NXPE4: variants seen among roughly 807,000 people sequenced by gnomAD.
NXPE4 encodes the protein NXPE family member 4.
NXPE4 carries 42 observed loss-of-function variants against 33.3 expected under a neutral mutation model. That is an observed-to-expected ratio of 1.26 (90% CI 0.98 to 1.63). The LOEUF (loss-of-function observed/expected upper bound fraction) is 1.63, where lower values mean the gene tolerates loss of function less well. Among genes scored for constraint, NXPE4 ranks in the 40% most tolerant of loss-of-function variants. The pLI is 0.00. For missense variants in NXPE4, 709 were observed against 647.6 expected (o/e 1.09, Z -1.03); for synonymous variants, 253 against 234.9 (o/e 1.08, Z -0.71).
chr11:114,641,693 G>A, the NXPE4 span, among the ~76,000 whole-genome samples: 3 of 152,052 alleles, frequency 2.0e-5, no homozygotes, highest in Non-Finnish European at 4.4e-5. Flanking sequence ...AGAAACAATA[G>A]AGATGATCAA....
At chr11:114,616,062 C>G in the NXPE4 span, among the ~76,000 whole-genome samples, 1 of 151,582 alleles carries the variant, frequency 6.6e-6, no homozygotes, top group Non-Finnish European at 1.5e-5. Flanking sequence ...TAAGTATTGC[C>G]TCATGGGTAA....
chr11:114,610,340 C>G, the NXPE4 span, among the ~76,000 whole-genome samples: 5 of 151,848 alleles, frequency 3.3e-5, no homozygotes, highest in Admixed American at 3.3e-4. Context: ...TAAGTATGGC[C>G]TCATGAGTAA....
chr11:114,603,045 A>T, the NXPE4 span, among the ~76,000 whole-genome samples: 1 of 151,586 alleles, frequency 6.6e-6, no homozygotes. Context: ...AACCGTATAT[A>T]ATAATTATTG....
the NXPE4 span, among the ~76,000 whole-genome samples, chr11:114,610,750 T>TAA: frequency 6.6e-6 from 1 of 151,960 alleles, no homozygotes; most frequent in East Asian, 1.9e-4. Context: ...CTTTGGATAA[T>TAA]AAGTGTTGCC....
chr11:114,677,421 T>C, the NXPE4 span, among the ~76,000 whole-genome samples: 1 of 152,054 alleles, frequency 6.6e-6, no homozygotes, highest in Non-Finnish European at 1.5e-5. Context: ...GAACTGTACC[T>C]CAATAAAGTT....
At chr11:114,612,047 G>T in the NXPE4 span, among the ~76,000 whole-genome samples, 1 of 151,412 alleles carries the variant, frequency 6.6e-6, no homozygotes, top group Non-Finnish European at 1.5e-5. Context: ...GATAAGAAGT[G>T]TTGCCTCGTG....
chr11:114,602,391 T>G, the NXPE4 span, among the ~76,000 whole-genome samples: 1 of 128,986 alleles, frequency 7.8e-6, no homozygotes, highest in Admixed American at 9.2e-5. Flanking sequence ...TTATGCTATA[T>G]ATTATATATT....
intron 2 of NXPE4, among the ~76,000 whole-genome samples, chr11:114,586,662 C>T (rs1198043985): frequency 2.0e-5 from 3 of 152,112 alleles, no homozygotes; most frequent in East Asian, 1.9e-4. Flanking sequence ...ACTGAAGGTT[C>T]CTTGCCAGGG....
At chr11:114,629,169 T>A in the NXPE4 span, among the ~76,000 whole-genome samples, 1 of 152,084 alleles carries the variant, frequency 6.6e-6, no homozygotes, top group African/African-American at 2.4e-5. Flanking sequence ...CTAACTCATT[T>A]TATGAGGCCA....
chr11:114,618,387 C>T, the NXPE4 span, among the ~76,000 whole-genome samples: 1 of 151,932 alleles, frequency 6.6e-6, no homozygotes, highest in South Asian at 2.1e-4. Context: ...GTCACTGTTA[C>T]CCAGTGGATA....
the NXPE4 span, among the ~76,000 whole-genome samples, chr11:114,633,706 C>A: frequency 6.7e-6 from 1 of 149,470 alleles, no homozygotes; most frequent in Non-Finnish European, 1.5e-5. Context: ...TGAGTGAGAA[C>A]ATGTGGCGTT....
the NXPE4 span, among the ~76,000 whole-genome samples, chr11:114,651,652 A>G: frequency 6.6e-6 from 1 of 152,048 alleles, no homozygotes; most frequent in African/African-American, 2.4e-5. Context: ...CAGACTTCTG[A>G]TTGGTCCGTT....
the NXPE4 span, among the ~76,000 whole-genome samples, chr11:114,677,468 C>A: frequency 7.2e-5 from 11 of 152,146 alleles, no homozygotes; most frequent in East Asian, 2.1e-3. Context: ...ACTGTCATAA[C>A]ACTGCAGCAC....
At chr11:114,616,644 T>C in the NXPE4 span, among the ~76,000 whole-genome samples, 25 of 151,732 alleles carry the variant, frequency 1.6e-4, no homozygotes, top group East Asian at 4.6e-3. Context: ...TAATAAATGT[T>C]GCCTATTGGG....
the NXPE4 span, among the ~76,000 whole-genome samples, chr11:114,620,807 G>A: frequency 6.6e-6 from 1 of 152,048 alleles, no homozygotes; most frequent in Non-Finnish European, 1.5e-5. Flanking sequence ...TTGCCTCAGG[G>A]GAACCACTGT....
At chr11:114,632,181 TAAA>T in the NXPE4 span, among the ~76,000 whole-genome samples, 1 of 131,254 alleles carries the variant, frequency 7.6e-6, no homozygotes, top group Admixed American at 7.9e-5. Context: ...TAATATATAA[TAAA>T]TAAATGATCA....
intron 2 of NXPE4, among the ~76,000 whole-genome samples, chr11:114,590,507 CA>C (rs1478338497): frequency 1.3e-5 from 2 of 152,122 alleles, no homozygotes; most frequent in Non-Finnish European, 2.9e-5. Context: ...AAAAGAAACT[CA>C]AGTGGATAAA....
At chr11:114,634,161 G>C in the NXPE4 span, among the ~76,000 whole-genome samples, 2 of 151,536 alleles carry the variant, frequency 1.3e-5, no homozygotes, top group African/African-American at 4.8e-5. Flanking sequence ...CATTCTAACT[G>C]GTGTGAGATG....
Position 114,571,393 on chromosome 11 carries a change from G to T in NXPE4, c.1180C>A (p.Gln394Lys). The change falls in exon 6 of 6, where the codon CAG becomes AAG. Residue 394 changes from glutamine (Q) to lysine (K), a missense_variant. Gln to Lys is a moderately conservative substitution (Grantham distance 53). Transcript: ENST00000375478. ...AAGGGATAACAATATTTTTGCCACT[G>T]GATGTTGATGTTCCTATCCAAATCC... ...AVDLDRNINI[Q>K]WQKYCYPLIG... The T allele has an allele frequency of 6.2e-7, 1 of 1,613,882 alleles. No homozygotes were observed. Among genetic ancestry groups the T allele is most frequent in the Non-Finnish European group, 8.5e-7 (1 of 1,179,850 alleles).
Sources: allele counts gnomAD v4.1 joint callset (sites outside exome capture counted in the v4.1 genomes callset), GRCh38; gene constraint gnomAD v4.1.1; transcripts MANE v1.5; gene names NCBI Gene and HGNC (gene_info 2026-07-23, HGNC 2026-07-21).